The following NCOR1 variants were observed in gnomAD, a reference collection of about 807,000 sequenced individuals.
The protein encoded by NCOR1 is protein phosphatase 1, regulatory subunit 109.
Under a neutral mutation model 288.1 loss-of-function variants are expected in NCOR1, and 63 were observed. That is an observed-to-expected ratio of 0.22 (90% CI 0.18 to 0.27). The LOEUF is 0.27. NCOR1 is among the 10% of genes least tolerant of loss of function. The pLI, the probability that NCOR1 is intolerant of heterozygous loss-of-function variation, is 1.00. For missense variants in NCOR1, 2,397 were observed against 3,019.2 expected (o/e 0.79, Z 4.83); for synonymous variants, 1,007 against 1,065.9 (o/e 0.94, Z 1.08).
intron 19 of NCOR1, among the ~76,000 whole-genome samples, chr17:16,106,646 C>G (rs961125682): frequency 6.6e-6 from 1 of 151,856 alleles, no homozygotes; most frequent in African/African-American, 2.4e-5. Flanking sequence ...AACAGTGCAT[C>G]TGTGCTGTCT....
At chr17:16,120,959 G>A (rs1171740546) in intron 16 of NCOR1, 93 bp downstream of exon 16, 2 of 1,135,630 alleles carry the variant, frequency 1.8e-6, no homozygotes, top group African/African-American at 3.1e-5. Context: ...TTTCTAGGTT[G>A]TCAATATTAA....
At chr17:16,208,206 ATTTTTTT>A (rs757019446) in intron 1 of NCOR1, among the ~76,000 whole-genome samples, 12 of 65,532 alleles carry the variant, frequency 1.8e-4, no homozygotes, top group East Asian at 1.2e-3. Flanking sequence ...ATGCCCAGCT[ATTTTTTT>A]TTTTTTTTTT....
At chr17:16,152,553 T>C (rs1372228206) in intron 7 of NCOR1, among the ~76,000 whole-genome samples, 6 of 152,228 alleles carry the variant, frequency 3.9e-5, no homozygotes, top group African/African-American at 7.2e-5. Flanking sequence ...CAGTCTATCA[T>C]TGATGGACAT....
intron 14 of NCOR1, among the ~76,000 whole-genome samples, chr17:16,127,255 G>C (rs56137799): frequency 8.7e-6 from 1 of 115,444 alleles, no homozygotes; most frequent in African/African-American, 3.9e-5. Flanking sequence ...ATGTATATAT[G>C]TGTGTGTATA....
intron 32 of NCOR1, among the ~76,000 whole-genome samples, chr17:16,066,132 T>G (rs993116644): frequency 1.3e-5 from 2 of 152,216 alleles, no homozygotes. Flanking sequence ...TATAAGCATT[T>G]AATTAGTCCA....
chr17:16,165,390 GGTGA>G (rs1568427240), intron 4 of NCOR1, among the ~76,000 whole-genome samples: 1 of 152,150 alleles, frequency 6.6e-6, no homozygotes. Context: ...TACAAAGTGA[GGTGA>G]GTTAGTGTTG....
At chr17:16,100,271 T>C (rs1182845492) in intron 20 of NCOR1, among the ~76,000 whole-genome samples, 2 of 152,214 alleles carry the variant, frequency 1.3e-5, no homozygotes, top group Non-Finnish European at 2.9e-5. Context: ...ATATATATCT[T>C]TTACTGTAAT....
At chr17:16,040,610 T>C in intron 42 of NCOR1, 116 bp from the exon 43 acceptor site, 1 of 905,890 alleles carries the variant, frequency 1.1e-6, no homozygotes, top group Non-Finnish European at 1.7e-6. Flanking sequence ...GATCTCAACC[T>C]TTATTTCTCA....
intron 3 of NCOR1, among the ~76,000 whole-genome samples, chr17:16,182,568 C>T (rs920331237): frequency 5.3e-5 from 8 of 152,208 alleles, no homozygotes; most frequent in Non-Finnish European, 1.2e-4. Context: ...CATTCTCCTG[C>T]CTCAGCCTCC....
intron 3 of NCOR1, among the ~76,000 whole-genome samples, chr17:16,184,098 TAA>T (rs1324620086): frequency 6.6e-6 from 1 of 152,118 alleles, no homozygotes; most frequent in Non-Finnish European, 1.5e-5. Flanking sequence ...ATAAAATACT[TAA>T]ATATAAGATC....
At chr17:16,044,633 T>G in intron 42 of NCOR1, 1 of 624,304 alleles carries the variant, frequency 1.6e-6, no homozygotes, top group Non-Finnish European at 3.1e-6. Context: ...GTCCTCTGTC[T>G]CCGAGCTCGC....
intron 1 of NCOR1, among the ~76,000 whole-genome samples, chr17:16,213,104 C>A (rs1397072933): frequency 6.6e-6 from 1 of 150,676 alleles, no homozygotes; most frequent in Non-Finnish European, 1.5e-5. Context: ...CTAATCTAAT[C>A]TTTCCTATAA....
intron 40 of NCOR1, among the ~76,000 whole-genome samples, chr17:16,049,705 G>T (rs1034775637): frequency 6.0e-5 from 9 of 151,080 alleles, no homozygotes; most frequent in Non-Finnish European, 1.0e-4. Context: ...TCAGCCTCCC[G>T]AGCAGCTGGA....
intron 18 of NCOR1, 132 bp from the exon 19 acceptor site, chr17:16,109,044 T>A: frequency 2.8e-6 from 2 of 710,106 alleles, no homozygotes; most frequent in Non-Finnish European, 4.1e-6. Context: ...ACAATAGTTC[T>A]GGTTAAAGTG....
rs530873587 is a variant in NCOR1 at position 16,127,508 on chromosome 17, T to C, written c.1510-1302A>G. On this transcript the variant is annotated intron_variant, in intron 14 of 45. Coordinates refer to ENST00000268712, the MANE Select transcript of NCOR1 (RefSeq NM_006311.4). ...GTGTGTATATGTGCATGTATATACATATGTGTATATACACACGTGTATATA... is the reference window on the plus strand; with the variant it reads ...GTGTGTATATGTGCATGTATATACACATGTGTATATACACACGTGTATATA... Among the ~76,000 whole-genome samples, 7 of 145,544 alleles carry C rather than the reference T, an allele frequency of 4.8e-5. No homozygotes were observed. In the South Asian group the frequency reaches 8.5e-4, roughly 18 times the overall value.
chr17:16,041,815 C>T (rs965083874), intron 42 of NCOR1, among the ~76,000 whole-genome samples: 1 of 152,088 alleles, frequency 6.6e-6, no homozygotes, highest in African/African-American at 2.4e-5. Context: ...TGGCTCACTG[C>T]AAGCTCTGCC....
At chr17:16,063,751 A>G (rs1336513349) in intron 35 of NCOR1, among the ~76,000 whole-genome samples, 1 of 152,166 alleles carries the variant, frequency 6.6e-6, no homozygotes, top group Admixed American at 6.5e-5. Flanking sequence ...CAACACCTTT[A>G]TATCTAGGAG....
chr17:16,213,726 C>G (rs1000255418), intron 1 of NCOR1, among the ~76,000 whole-genome samples: 2 of 152,056 alleles, frequency 1.3e-5, no homozygotes, highest in African/African-American at 2.4e-5. Context: ...ACAGCCAACC[C>G]TAGGAGAGTA....
chr17:16,106,953 C>T (rs1260461446), intron 19 of NCOR1, among the ~76,000 whole-genome samples: 2 of 121,934 alleles, frequency 1.6e-5, no homozygotes, highest in South Asian at 2.9e-4. Context: ...AGTGCAGTGG[C>T]GTGATCTCAG....
Sources: allele counts gnomAD v4.1 joint callset (sites outside exome capture counted in the v4.1 genomes callset), GRCh38; gene constraint gnomAD v4.1.1; transcripts MANE v1.5; gene names NCBI Gene and HGNC (gene_info 2026-07-23, HGNC 2026-07-21).